Variants in PCDHGC4 observed in about 807,000 individuals in gnomAD.
PCDHGC4 encodes the protein protocadherin gamma subfamily C, 4, also known as protocadherin gamma-C4.
Under a neutral mutation model 59.7 loss-of-function variants are expected in PCDHGC4, and 15 were observed. The observed-to-expected ratio is 0.25, with a 90% confidence interval of 0.17 to 0.39. The LOEUF is 0.39. Ranked by LOEUF, PCDHGC4 falls within the 10% of genes least tolerant of loss-of-function variation. The probability of loss-of-function intolerance (pLI) is 1.00; values close to 1 mark genes in which losing one functional copy is unlikely to be tolerated. For missense variants in PCDHGC4, 1,016 were observed against 1,189.5 expected, an observed-to-expected ratio of 0.85 and a Z score of 2.15; for synonymous variants, 434 against 481.4, an observed-to-expected ratio of 0.90 and a Z score of 1.29.
rs911461762 is a variant in PCDHGC4 at position 141,512,938 on chromosome 5, T to C, written c.*1765T>C. The stretch of plus-strand genomic sequence containing the variant: ...ACTCTAATATTTATATGGCTTTTTT[T>C]CTTCGACAAAAAAATAATAAAACGT... On this transcript the variant is annotated 3_prime_UTR_variant, in exon 4 of 4. Coordinates refer to ENST00000306593, the MANE Select transcript of PCDHGC4 (RefSeq NM_018928.3). 6.6e-6 allele frequency: 1 copy of C among 151,928 alleles called. No homozygotes were observed. Among genetic ancestry groups the C allele is most frequent in the Non-Finnish European group, 1.5e-5 (1 of 67,934 alleles). The allele number at this position is 151,928 out of a possible 1,614,324, so 9.4% of individuals were successfully genotyped here.
chr5:141,504,645 T>C (rs1481469819), intron 2 of PCDHGC4, among the ~76,000 whole-genome samples: 2 of 112,538 alleles, frequency 1.8e-5, no homozygotes, highest in Non-Finnish European at 3.4e-5. Context: ...GGTTTGATGA[T>C]AGAGTGTTTG....
rs748115530 is a variant in PCDHGC4 at position 141,489,429 on chromosome 5, G to C, written c.2442+1814G>C. 5 of 1,614,022 alleles carry C rather than the reference G, an allele frequency of 3.1e-6. No individual in the cohort carries two copies. The East Asian group carries it at 8.9e-5, about 29-fold the overall frequency. ...AGATGACAGATCTGTTGAGCCGGCG[G>C]CTGCAATTGGGCTCTGAGGAGAATG... On this transcript the variant is annotated intron_variant, in intron 1 of 3. Transcript: ENST00000306593. The surrounding 1 kb of genome is among the most constrained non-coding windows in gnomAD (Gnocchi z 4.5).
chr5:141,506,459 A>G (rs1159808052), intron 3 of PCDHGC4, among the ~76,000 whole-genome samples: 4 of 151,918 alleles, frequency 2.6e-5, no homozygotes, highest in Non-Finnish European at 4.4e-5. Context: ...AAAAAAAAAA[A>G]AAAAAAGAGC....
At position 141,487,425 on chromosome 5, in the gene PCDHGC4, G is replaced by A. The variant is rs116499036; in HGVS notation, c.2252G>A (p.Arg751Gln). ...EGLPPSNGIL[R>Q]IQLGSDDPIK... ...CTTCCCCCTTCCAATGGGATCCTCCGAATCCAGCTAGGGTCAGATGACCCT... is the reference window on the plus strand; with the variant it reads ...CTTCCCCCTTCCAATGGGATCCTCCAAATCCAGCTAGGGTCAGATGACCCT... The change falls in exon 1 of 4, where the codon CGA becomes CAA. Residue 751 changes from arginine to glutamine, a missense_variant. Arg to Gln is a conservative substitution (Grantham distance 43). Coordinates refer to ENST00000306593, the MANE Select transcript of PCDHGC4 (RefSeq NM_018928.3). This position sits in a 1 kb window ranked among gnomAD's most constrained non-coding sequence, Gnocchi z 5.0. The A allele has an allele frequency of 1.1e-5, 17 of 1,613,988 alleles. No individual in the cohort carries two copies. The highest frequency in any genetic ancestry group is 1.6e-4 in the Middle Eastern group (1 of 6,084).
intron 1 of PCDHGC4, among the ~76,000 whole-genome samples, chr5:141,494,218 T>C (rs1224329242): frequency 1.3e-5 from 2 of 152,222 alleles, no homozygotes; most frequent in South Asian, 2.1e-4. Context: ...CAATCTGGCA[T>C]GACTCCTAAA....
rs756243026 is a variant in PCDHGC4, at chr5:141,487,478, T to C, written c.2305T>C (p.Ser769Pro). The change falls in exon 1 of 4, where the codon TCT becomes CCT. Residue 769 changes from serine (S) to proline (P), a missense_variant. Transcript: ENST00000306593. This position sits in a 1 kb window ranked among gnomAD's most constrained non-coding sequence, Gnocchi z 5.0. ...CAAGTTTGTTGATGTGGGAGGCCAC[T>C]CTCATGGCTGTACACCCTTGGCTTC... is the stretch of plus-strand genomic sequence containing the variant. ...PIKFVDVGGH[S>P]HGCTPLASAP... 6 of 1,614,078 alleles carry C rather than the reference T, an allele frequency of 3.7e-6. No individual in the cohort carries two copies. In the Admixed American group the frequency reaches 1.0e-4, roughly 27 times the overall value.
chr5:141,485,938 A>G lies in PCDHGC4; in HGVS notation c.765A>G (p.Ala255=). The stretch of plus-strand genomic sequence containing the variant: ...ACAGGATTAGTGTGTTGGAGAGCGC[A>G]CCAGCGGGCATGGTGCTCATCCAGC... ...SSYRISVLES[A]PAGMVLIQLN... The change falls in exon 1 of 4, where the codon GCA becomes GCG. Residue 255 remains alanine, a synonymous_variant. Transcript: ENST00000306593. The surrounding 1 kb of genome is among the most constrained non-coding windows in gnomAD (Gnocchi z 5.7). 6.2e-7 allele frequency: 1 copy of G among 1,614,162 alleles called. No individual in the cohort carries two copies. The highest frequency in any genetic ancestry group is 1.3e-5 in the African/African-American group (1 of 75,028).
chr5:141,497,323 G>A lies in PCDHGC4; in HGVS notation c.2501+2458G>A, dbSNP rs373068300. Reference sequence around the variant, plus strand: ...CAGGCCATACACTGGCTTTGAAGCAGAATTCACCATTGAACCTGGAAGCCC... The same window carrying A: ...CAGGCCATACACTGGCTTTGAAGCAAAATTCACCATTGAACCTGGAAGCCC... On this transcript the variant is annotated intron_variant, in intron 2 of 3. Transcript: ENST00000306593. 1.2e-4 allele frequency among the ~76,000 whole-genome samples: 19 copies of A among 152,204 alleles called. No homozygotes were observed. In the East Asian group the frequency reaches 3.5e-3, roughly 28 times the overall value.
At chr5:141,500,182 A>ATTT (rs1199992745) in intron 2 of PCDHGC4, among the ~76,000 whole-genome samples, 1 of 131,622 alleles carries the variant, frequency 7.6e-6, no homozygotes, top group African/African-American at 3.1e-5. Context: ...CTTCATTTTT[A>ATTT]TTTTTATTTA....
At chr5:141,497,461 A>G (rs541848982) in intron 2 of PCDHGC4, among the ~76,000 whole-genome samples, 2 of 151,526 alleles carry the variant, frequency 1.3e-5, no homozygotes, top group Admixed American at 1.3e-4. Context: ...GCTCTTGGAG[A>G]TATGGAGGAG....
Position 141,490,799 on chromosome 5 carries a change from G to A in PCDHGC4, c.2442+3184G>A, listed in dbSNP as rs757092044. On this transcript the variant is annotated intron_variant, in intron 1 of 3. Coordinates refer to ENST00000306593, the MANE Select transcript of PCDHGC4 (RefSeq NM_018928.3). The surrounding 1 kb of genome is among the most constrained non-coding windows in gnomAD (Gnocchi z 5.4). ...GAGGATGGACGGATCTTTGCCCAGC[G>A]TACCTTTGACTATGAATTGCTGCAG... is the stretch of plus-strand genomic sequence containing the variant. 2.7e-5 allele frequency: 43 copies of A among 1,613,888 alleles called. No individual in the cohort carries two copies. Among genetic ancestry groups the A allele is most frequent in the Middle Eastern group, 3.3e-4 (2 of 6,062 alleles).
chr5:141,505,259 C>A, intron 2 of PCDHGC4, 134 bp from the exon 3 acceptor site: 1 of 1,500,262 alleles, frequency 6.7e-7, no homozygotes, highest in Non-Finnish European at 8.9e-7. Context: ...GTGCCTCCTA[C>A]CTTGCTGAGA....
Position 141,485,625 on chromosome 5 carries a change from G to T in PCDHGC4, c.452G>T (p.Arg151Leu). 6.2e-7 allele frequency: 1 copy of T among 1,611,968 alleles called. No individual in the cohort carries two copies. The change falls in exon 1 of 4, where the codon CGT (arginine) becomes CTT (leucine). Residue 151 changes from arginine to leucine, a missense_variant. By Grantham distance (102) the Arg-to-Leu change is moderately radical (BLOSUM62 -2). Transcript: ENST00000306593. This position sits in a 1 kb window ranked among gnomAD's most constrained non-coding sequence, Gnocchi z 5.7. ...GGGGAGGCAGCTCCTCCAGGACAGC[G>T]TTTCCCGTTGGAAAAGGCTCAGGAT... The part of the protein sequence containing the change: ...EIGEAAPPGQ[R>L]FPLEKAQDAD...
Position 141,485,605 on chromosome 5 carries a change from G to A in PCDHGC4, c.432G>A (p.Glu144=). The change falls in exon 1 of 4, where the codon GAG becomes GAA. Residue 144 remains glutamate, a synonymous_variant. Transcript: ENST00000306593. This position sits in a 1 kb window ranked among gnomAD's most constrained non-coding sequence, Gnocchi z 5.7. The stretch of plus-strand genomic sequence containing the variant: ...AGCAGCTGGACTTGGAAATTGGGGA[G>A]GCAGCTCCTCCAGGACAGCGTTTCC... The part of the protein sequence containing the change: ...PRQQLDLEIG[E]AAPPGQRFPL... 6.2e-7 allele frequency: 1 copy of A among 1,612,448 alleles called. No homozygotes were observed. Among genetic ancestry groups the A allele is most frequent in the Non-Finnish European group, 8.5e-7 (1 of 1,178,750 alleles).
intron 3 of PCDHGC4, among the ~76,000 whole-genome samples, chr5:141,510,272 T>TA (rs546154379): frequency 0.17 from 22,022 of 130,294 alleles, 2,255 homozygotes; most frequent in African/African-American, 0.28. Flanking sequence ...GACTCCATCT[T>TA]AAAAAAAAAA....
intron 2 of PCDHGC4, among the ~76,000 whole-genome samples, chr5:141,502,194 T>C (rs1470985683): frequency 2.6e-5 from 4 of 152,212 alleles, no homozygotes; most frequent in Non-Finnish European, 4.4e-5. Flanking sequence ...TACAATAATA[T>C]AGAATCCACC....
intron 2 of PCDHGC4, among the ~76,000 whole-genome samples, chr5:141,497,706 A>G (rs2099778850): frequency 6.6e-6 from 1 of 151,956 alleles, no homozygotes; most frequent in Middle Eastern, 3.2e-3. Flanking sequence ...CACCCAGCTC[A>G]TTTTTGTATT....
intron 3 of PCDHGC4, 90 bp from the exon 4 acceptor site, chr5:141,510,857 A>G (rs1184962556): frequency 6.2e-7 from 1 of 1,605,538 alleles, no homozygotes; most frequent in Non-Finnish European, 8.5e-7. Flanking sequence ...AGGGTGCTGT[A>G]TAGGCATTCA....
Position 141,491,140 on chromosome 5 carries a change from T to A in PCDHGC4, c.2442+3525T>A, listed in dbSNP as rs1392575961. On this transcript the variant is annotated intron_variant, in intron 1 of 3. Coordinates refer to ENST00000306593, the MANE Select transcript of PCDHGC4 (RefSeq NM_018928.3). This position sits in a 1 kb window ranked among gnomAD's most constrained non-coding sequence, Gnocchi z 6.9. ...TGGTGAGGTGCGCACAGCCCGGGCC[T>A]TACTGGAGGATGACTCTGACACCCA... 2 of 1,614,110 alleles carry A rather than the reference T, an allele frequency of 1.2e-6. No individual in the cohort carries two copies. Among genetic ancestry groups the A allele is most frequent in the Non-Finnish European group, 1.7e-6 (2 of 1,179,992 alleles).
Sources: gnomAD v4.1 joint callset for allele counts (sites outside exome capture counted in the v4.1 genomes callset) on GRCh38, gnomAD v4.1.1 for gene constraint, Gnocchi (gnomAD v3.1) non-coding constraint, MANE v1.5 for transcripts, NCBI Gene and HGNC (gene_info 2026-07-23, HGNC 2026-07-21) for gene names.